Variants in DPYD observed in about 807,000 individuals in gnomAD.
DPYD encodes dihydropyrimidine dehydrogenase [NADP(+)].
A neutral mutation model predicts 116.2 loss-of-function variants in DPYD; 109 were observed. The observed-to-expected ratio is 0.94, with a 90% CI of 0.80 to 1.10. The LOEUF (loss-of-function observed/expected upper bound fraction) is 1.10, where lower values mean the gene tolerates loss of function less well. DPYD is among the 50% of genes least tolerant of loss of function. The pLI, the probability that DPYD is intolerant of heterozygous loss-of-function variation, is 0.00. For synonymous variants in DPYD, 440 were observed against 432.0 expected, an observed-to-expected ratio of 1.02 and a Z score of -0.23; for missense variants, 1,302 against 1,254.5, an observed-to-expected ratio of 1.04 and a Z score of -0.57.
intron 1 of DPYD, among the ~76,000 whole-genome samples, chr1:97,904,654 T>A (rs966525156): frequency 5.3e-5 from 8 of 152,066 alleles, no homozygotes; most frequent in Non-Finnish European, 1.0e-4. Context: ...CCATCCTTTG[T>A]CTTTTCAGTT....
chr1:97,301,793 G>T (rs887409790), intron 18 of DPYD, among the ~76,000 whole-genome samples: 1 of 151,798 alleles, frequency 6.6e-6, no homozygotes, highest in Non-Finnish European at 1.5e-5. Context: ...TTACCCACAG[G>T]GAGGATTTCA....
chr1:97,107,534 T>C (rs1258843458), intron 20 of DPYD, among the ~76,000 whole-genome samples: 1 of 152,076 alleles, frequency 6.6e-6, no homozygotes, highest in African/African-American at 2.4e-5. Context: ...AACTGCACCA[T>C]CATCATCACC....
intron 16 of DPYD, among the ~76,000 whole-genome samples, chr1:97,325,184 T>G (rs918476557): frequency 5.9e-5 from 9 of 152,078 alleles, no homozygotes; most frequent in Non-Finnish European, 1.3e-4. Flanking sequence ...AGTTTAAAAC[T>G]TTGCGCTTTT....
intron 2 of DPYD, among the ~76,000 whole-genome samples, chr1:97,844,322 G>A (rs1315019601): frequency 6.6e-6 from 1 of 152,170 alleles, no homozygotes; most frequent in East Asian, 1.9e-4. Flanking sequence ...CTGATGAGAT[G>A]ACTGATGCCT....
At chr1:97,267,827 ATATACAAAATATG>A (rs1032522066) in intron 18 of DPYD, among the ~76,000 whole-genome samples, 5 of 152,204 alleles carry the variant, frequency 3.3e-5, no homozygotes, top group African/African-American at 1.2e-4. Flanking sequence ...TGTCCTTCTC[ATATACAAAATATG>A]TTCATTCCAT....
chr1:97,130,729 TCTTC>T (rs1557880590), intron 20 of DPYD, among the ~76,000 whole-genome samples: 2 of 115,288 alleles, frequency 1.7e-5, no homozygotes, highest in South Asian at 3.3e-4. Flanking sequence ...TTTCTTTCTT[TCTTC>T]CTTTCTTTCT....
At chr1:97,140,496 T>A (rs1320024459) in intron 20 of DPYD, among the ~76,000 whole-genome samples, 1 of 151,784 alleles carries the variant, frequency 6.6e-6, no homozygotes, top group Non-Finnish European at 1.5e-5. Context: ...AGAAAAAGAG[T>A]TGGCACCTGC....
intron 8 of DPYD, among the ~76,000 whole-genome samples, chr1:97,637,614 C>A (rs747698420): frequency 1.3e-5 from 2 of 151,712 alleles, no homozygotes; most frequent in African/African-American, 2.4e-5. Context: ...TGCTCCAAGA[C>A]AAACAAGAAA....
rs370947401 is a variant in DPYD, at chr1:97,823,164, G to GT, written c.233+4949dup. ...TTGTTTGTTTTGTTTTTTGTTTTTT[G>GT]TTTTTTTTGAGACGGAGTCTCACTC... On this transcript the variant is annotated intron_variant, in intron 3 of 22. Transcript: ENST00000370192. Among the ~76,000 whole-genome samples, 1,092 of 151,124 alleles carry GT rather than the reference G, an allele frequency of 7.2e-3. 10 individuals carry two copies. The highest frequency in any genetic ancestry group is 0.025 in the African/African-American group (1,025 of 41,204).
intron 3 of DPYD, among the ~76,000 whole-genome samples, chr1:97,742,892 T>C (rs1036111924): frequency 1.3e-5 from 2 of 152,166 alleles, no homozygotes; most frequent in African/African-American, 4.8e-5. Context: ...CACACACACA[T>C]ATATGGCACA....
chr1:97,253,698 A>C (rs1663259906), intron 18 of DPYD, among the ~76,000 whole-genome samples: 1 of 152,140 alleles, frequency 6.6e-6, no homozygotes, highest in South Asian at 2.1e-4. Context: ...TTGTAATTAG[A>C]GACAGGGTAA....
intron 5 of DPYD, chr1:97,720,659 A>G: frequency 7.6e-7 from 1 of 1,311,848 alleles, no homozygotes; most frequent in Non-Finnish European, 9.7e-7. Flanking sequence ...AAATGAAAGA[A>G]CACATTGTGT....
intron 20 of DPYD, among the ~76,000 whole-genome samples, chr1:97,143,818 A>ATC (rs1654413732): frequency 6.6e-6 from 1 of 152,140 alleles, no homozygotes; most frequent in South Asian, 2.1e-4. Context: ...CATTTCTTAT[A>ATC]TCTCATCTTT....
At chr1:97,609,704 G>T (rs1311443836) in intron 8 of DPYD, among the ~76,000 whole-genome samples, 2 of 151,834 alleles carry the variant, frequency 1.3e-5, no homozygotes, top group East Asian at 1.9e-4. Context: ...ATATACTTTA[G>T]GGCAGCATTT....
intron 19 of DPYD, among the ~76,000 whole-genome samples, chr1:97,193,849 A>C (rs1013241400): frequency 9.2e-5 from 14 of 152,060 alleles, no homozygotes; most frequent in African/African-American, 3.4e-4. Flanking sequence ...AGACCTTCTC[A>C]CTGGCTAGAA....
At chr1:97,308,326 A>T (rs1208454959) in intron 16 of DPYD, 1 of 151,728 alleles carries the variant, frequency 6.6e-6, no homozygotes, top group Non-Finnish European at 1.5e-5. Flanking sequence ...TCCATGAGTA[A>T]ATTTGACCCT....
chr1:97,807,460 A>G (rs1668128217), intron 3 of DPYD, among the ~76,000 whole-genome samples: 1 of 152,100 alleles, frequency 6.6e-6, no homozygotes, highest in East Asian at 1.9e-4. Context: ...GTGTATGTTC[A>G]GATCTCTTGC....
intron 8 of DPYD, among the ~76,000 whole-genome samples, chr1:97,664,867 C>T (rs532088463): frequency 6.6e-5 from 10 of 152,194 alleles, no homozygotes; most frequent in East Asian, 3.9e-4. Context: ...AACACATGCA[C>T]GCACACACAC....
intron 16 of DPYD, among the ~76,000 whole-genome samples, chr1:97,361,933 A>G (rs926297948): frequency 3.3e-5 from 5 of 152,232 alleles, no homozygotes; most frequent in African/African-American, 9.6e-5. Context: ...TATTACACAT[A>G]GTGTTGGAAG....
Sources: gnomAD v4.1 joint callset for allele counts (sites outside exome capture counted in the v4.1 genomes callset) on GRCh38, gnomAD v4.1.1 for gene constraint, MANE v1.5 for transcripts, NCBI Gene and HGNC (gene_info 2026-07-23, HGNC 2026-07-21) for gene names.